Variants in DPP8 observed in about 807,000 individuals in gnomAD.
DPP8 encodes dipeptidyl peptidase 8.
In DPP8, 31 loss-of-function variants were observed where a neutral mutation model predicts 107.5. The ratio of observed to expected loss-of-function variants is 0.29; its 90% CI spans 0.22 to 0.39. The LOEUF is 0.39. Among genes scored for constraint, DPP8 ranks in the 10% least tolerant of loss-of-function variants. The pLI is 1.00. For synonymous variants in DPP8, 381 were observed against 356.6 expected (o/e 1.07, Z -0.77); for missense variants, 842 against 1,076.1 (o/e 0.78, Z 3.04).
chr15:65,466,810 A>T lies in DPP8; in HGVS notation c.1693T>A (p.Cys565Ser). The T allele has an allele frequency of 6.2e-7, 1 of 1,608,672 alleles. No individual in the cohort carries two copies. Among genetic ancestry groups the T allele is most frequent in the South Asian group, 1.1e-5 (1 of 89,980 alleles). The change falls in exon 14 of 20, where the codon TGT becomes AGT. Residue 565 changes from cysteine (C) to serine (S), a missense_variant. Cys to Ser is a moderately radical substitution (Grantham distance 112, BLOSUM62 -1). Around this residue, in one of 2 missense-constraint regions of DPP8, gnomAD observed 663 missense variants for 758.0 expected, o/e 0.87. Transcript: ENST00000300141. ...YSHSCCISQH[C>S]DFFISKYSNQ... Reference sequence around the variant, plus strand: ...CTATACTTACTTATAAAGAAGTCACAGTGCTAGAGAAAGGAGAAACAATTA... The same window carrying T: ...CTATACTTACTTATAAAGAAGTCACTGTGCTAGAGAAAGGAGAAACAATTA...
chr15:65,489,444 C>T (rs1197546713), intron 6 of DPP8, among the ~76,000 whole-genome samples: 3 of 112,042 alleles, frequency 2.7e-5, no homozygotes, highest in Admixed American at 1.2e-4. Context: ...GACAGAGTCT[C>T]GCTGTGTCGC....
In DPP8 at chr15:65,467,082, A is replaced by C. The variant is rs559503285; in HGVS notation, c.1678T>G (p.Cys560Gly). The C allele has an allele frequency of 1.2e-6, 2 of 1,614,212 alleles. No individual in the cohort carries two copies. Among genetic ancestry groups the C allele is most frequent in the Non-Finnish European group, 1.7e-6 (2 of 1,180,032 alleles). Residue 560 changes from cysteine to glycine, a missense_variant, in exon 13 of 20, where the codon TGC becomes GGC. Around this residue, in one of 2 missense-constraint regions of DPP8, gnomAD observed 663 missense variants for 758.0 expected, o/e 0.87. Transcript: ENST00000300141. ...AACAAACTTAATACCTGACTGATGC[A>C]GCAAGAATGTGAGTAGCCACGGTCA... is the stretch of plus-strand genomic sequence containing the variant. ...LTDRGYSHSC[C>G]ISQHCDFFIS...
At chr15:65,505,354 C>CAA (rs11311748) in intron 3 of DPP8, among the ~76,000 whole-genome samples, 2 of 143,540 alleles carry the variant, frequency 1.4e-5, no homozygotes, top group Non-Finnish European at 1.5e-5. Context: ...GACTCTGTCT[C>CAA]AAAAAAAAAA....
intron 11 of DPP8, chr15:65,475,389 C>A: frequency 6.5e-7 from 1 of 1,531,162 alleles, no homozygotes; most frequent in Non-Finnish European, 9.0e-7. Flanking sequence ...TGGCTCTTGG[C>A]CACTGTGAGG....
chr15:65,447,042 A>G, intron 19 of DPP8, 36 bp from the exon 20 acceptor site: 1 of 1,518,530 alleles, frequency 6.6e-7, no homozygotes, highest in Non-Finnish European at 8.8e-7. Flanking sequence ...ACAAAAAAAA[A>G]AAAGAATTTA....
intron 11 of DPP8, among the ~76,000 whole-genome samples, chr15:65,474,988 G>A (rs1595947263): frequency 6.6e-6 from 1 of 152,230 alleles, no homozygotes; most frequent in East Asian, 1.9e-4. Context: ...GAAGTCTAAT[G>A]GATTGACAAA....
At chr15:65,461,679 T>C (rs2140436726) in intron 15 of DPP8, among the ~76,000 whole-genome samples, 1 of 152,044 alleles carries the variant, frequency 6.6e-6, no homozygotes, top group Non-Finnish European at 1.5e-5. Flanking sequence ...CTTGGCTCAC[T>C]GCAACCCTCC....
At chr15:65,460,612 A>G (rs2064832382) in intron 15 of DPP8, among the ~76,000 whole-genome samples, 1 of 152,232 alleles carries the variant, frequency 6.6e-6, no homozygotes, top group Admixed American at 6.5e-5. Flanking sequence ...TATTTCACTT[A>G]GCATAATGCC....
chr15:65,507,656 T>TAAAAAAA (rs746039694), intron 2 of DPP8, among the ~76,000 whole-genome samples: 1 of 105,214 alleles, frequency 9.5e-6, no homozygotes, highest in African/African-American at 3.6e-5. Flanking sequence ...GATCCCAACT[T>TAAAAAAA]AAAAAAAAAA....
chr15:65,489,787 G>C (rs1025335632), intron 6 of DPP8, among the ~76,000 whole-genome samples: 13 of 151,716 alleles, frequency 8.6e-5, no homozygotes, highest in African/African-American at 3.1e-4. Context: ...GTGTGATCTT[G>C]GCTCACTGTA....
At chr15:65,460,900 C>A (rs890626815) in intron 15 of DPP8, among the ~76,000 whole-genome samples, 1 of 152,162 alleles carries the variant, frequency 6.6e-6, no homozygotes, top group African/African-American at 2.4e-5. Flanking sequence ...TGAGGAAATG[C>A]CATACTGTTT....
At chr15:65,480,159 A>G (rs899944654) in intron 10 of DPP8, 63 bp downstream of exon 10, 28 of 1,466,112 alleles carry the variant, frequency 1.9e-5, no homozygotes, top group African/African-American at 1.3e-4. Flanking sequence ...AGTTTGCTAT[A>G]TAACTTCATT....
chr15:65,463,301 G>A (rs568366549), intron 15 of DPP8, among the ~76,000 whole-genome samples: 1 of 152,322 alleles, frequency 6.6e-6, no homozygotes, highest in East Asian at 1.9e-4. Flanking sequence ...CACTTTGGGA[G>A]CCTGAGGCGG....
In DPP8 at chr15:65,446,891, A is replaced by T. The variant is rs892204468; in HGVS notation, c.2642T>A (p.Val881Glu). 3.7e-6 allele frequency: 6 copies of T among 1,610,350 alleles called. No individual in the cohort carries two copies. In the African/African-American group the frequency reaches 8.0e-5, roughly 22 times the overall value. Residue 881 changes from valine to glutamate, a missense_variant, in exon 20 of 20, where the codon GTG becomes GAG. By Grantham distance (121) the Val-to-Glu change is moderately radical. Coordinates refer to ENST00000300141, the MANE Select transcript of DPP8 (RefSeq NM_130434.5). ...GTTCTACACAGGTCAAAATTATATC[A>T]CTTTTAGAGCAGCAATACGTGATCC... The part of the protein sequence containing the change: ...NLGSRIAALK[V>E]I
intron 15 of DPP8, among the ~76,000 whole-genome samples, chr15:65,458,008 G>C (rs1418494862): frequency 6.6e-6 from 1 of 152,212 alleles, no homozygotes; most frequent in Non-Finnish European, 1.5e-5. Flanking sequence ...ATACTAGGCA[G>C]AGAAGTACAC....
In DPP8 at chr15:65,466,688, C is replaced by T; in HGVS notation, c.1815G>A (p.Leu605=). 6.2e-7 allele frequency: 1 copy of T among 1,613,986 alleles called. No individual in the cohort carries two copies. The highest frequency in any genetic ancestry group is 1.1e-5 in the South Asian group (1 of 91,064). Reference sequence around the variant, plus strand: ...GGGAAAAAAGAATACCTGCTGAATCCAAAATGGTGGCCCAAAATTCCTTTG... The same window carrying T: ...GGGAAAAAAGAATACCTGCTGAATCTAAAATGGTGGCCCAAAATTCCTTTG... ...CKTKEFWATI[L]DSAGPLPDYT... Residue 605 remains leucine (L), a synonymous_variant, in exon 14 of 20, where the codon TTG becomes TTA. Transcript: ENST00000300141.
rs547532413 is a variant in DPP8, at chr15:65,504,499, G to A, written c.372+2744C>T. Among the ~76,000 whole-genome samples the A allele has an allele frequency of 4.6e-5, 7 of 151,146 alleles. No homozygotes were observed. The East Asian group carries it at 1.2e-3, about 25-fold the overall frequency. On this transcript the variant is annotated intron_variant, in intron 3 of 19. Transcript: ENST00000300141. ...ATCCTGGCCAACATGGTGAAACCCT[G>A]TCTCTACTAAAAATACAAAAATTAG...
At chr15:65,463,967 G>A in intron 14 of DPP8, 61 bp from the exon 15 acceptor site, 3 of 1,297,302 alleles carry the variant, frequency 2.3e-6, no homozygotes, top group Non-Finnish European at 3.1e-6. Flanking sequence ...CTACAATCTG[G>A]GAACAAGAAA....
chr15:65,454,512 T>G, intron 16 of DPP8, 97 bp from the exon 17 acceptor site: 1 of 1,077,026 alleles, frequency 9.3e-7, no homozygotes, highest in Non-Finnish European at 1.3e-6. Flanking sequence ...AAAATACCTG[T>G]AGGTGTTTTA....
Sources: allele counts gnomAD v4.1 joint callset (sites outside exome capture counted in the v4.1 genomes callset), GRCh38; gene constraint gnomAD v4.1.1; regional missense constraint gnomAD v4.1.1; transcripts MANE v1.5; gene names NCBI Gene and HGNC (gene_info 2026-07-23, HGNC 2026-07-21).